SLC20A2: variants seen among roughly 807,000 people sequenced by gnomAD.
SLC20A2 encodes sodium-dependent phosphate transporter 2.
SLC20A2 carries 30 observed loss-of-function variants against 61.0 expected under a neutral mutation model. The observed-to-expected ratio is 0.49, with a 90% CI of 0.37 to 0.67. The LOEUF (loss-of-function observed/expected upper bound fraction) is 0.67. Ranked by LOEUF, SLC20A2 falls within the 30% of genes least tolerant of loss-of-function variation. The probability of loss-of-function intolerance (pLI) is 0.00; values close to 1 mark genes in which losing one functional copy is unlikely to be tolerated. For missense variants in SLC20A2, 626 were observed against 866.4 expected, an observed-to-expected ratio of 0.72 and a Z score of 3.48; for synonymous variants, 351 against 353.3, an observed-to-expected ratio of 0.99 and a Z score of 0.07.
chr8:42,513,745 A>C (rs192146179), intron 1 of SLC20A2, among the ~76,000 whole-genome samples: 2 of 152,274 alleles, frequency 1.3e-5, no homozygotes, highest in African/African-American at 4.8e-5. Context: ...TGTGCCCTGG[A>C]AGACAGGTAT....
chr8:42,508,388 A>C (rs1810843095), intron 1 of SLC20A2, among the ~76,000 whole-genome samples: 1 of 151,846 alleles, frequency 6.6e-6, no homozygotes, highest in Non-Finnish European at 1.5e-5. Context: ...GGAGTCTCGG[A>C]GTCTCGCTCT....
At chr8:42,445,479 A>G (rs1805139695) in intron 5 of SLC20A2, among the ~76,000 whole-genome samples, 1 of 151,886 alleles carries the variant, frequency 6.6e-6, no homozygotes. Flanking sequence ...TAATCCCAGC[A>G]CTTTGGGAGG....
At chr8:42,447,602 C>T (rs1057284905) in intron 5 of SLC20A2, among the ~76,000 whole-genome samples, 4 of 150,242 alleles carry the variant, frequency 2.7e-5, no homozygotes, top group Non-Finnish European at 4.4e-5. Flanking sequence ...GGCATGAACC[C>T]GGAAGGTGGA....
At chr8:42,419,301 G>T (rs1437524520) in intron 10 of SLC20A2, among the ~76,000 whole-genome samples, 2 of 152,138 alleles carry the variant, frequency 1.3e-5, no homozygotes, top group Non-Finnish European at 2.9e-5. Flanking sequence ...CGGGCATGGT[G>T]GCTCACGCCT....
At chr8:42,469,118 A>G (rs1807421955) in intron 2 of SLC20A2, among the ~76,000 whole-genome samples, 1 of 152,186 alleles carries the variant, frequency 6.6e-6, no homozygotes, top group Admixed American at 6.5e-5. Flanking sequence ...ACAGAGGGAA[A>G]GAGGGAGAAG....
At chr8:42,427,229 T>C (rs564071846) in intron 10 of SLC20A2, among the ~76,000 whole-genome samples, 1 of 152,356 alleles carries the variant, frequency 6.6e-6, no homozygotes, top group African/African-American at 2.4e-5. Context: ...TCTGCCTCAG[T>C]TTCCTCATCT....
chr8:42,448,426 C>T (rs1805396811), intron 5 of SLC20A2, among the ~76,000 whole-genome samples: 1 of 152,208 alleles, frequency 6.6e-6, no homozygotes, highest in Non-Finnish European at 1.5e-5. Context: ...ACTTGATGGG[C>T]TCCTTCTAGG....
At chr8:42,432,012 T>C (rs548511291) in intron 8 of SLC20A2, among the ~76,000 whole-genome samples, 13 of 152,388 alleles carry the variant, frequency 8.5e-5, no homozygotes, top group Non-Finnish European at 1.6e-4. Context: ...GCATCTGTTC[T>C]GCAGCCCATG....
chr8:42,443,264 G>GTTTTATATATATAT (rs1187147221), intron 6 of SLC20A2, among the ~76,000 whole-genome samples: 5 of 105,472 alleles, frequency 4.7e-5, no homozygotes, highest in African/African-American at 1.7e-4. Context: ...ATTATTATAG[G>GTTTTATATATATAT]ATATATATAT....
At chr8:42,506,765 G>A (rs1023316075) in intron 1 of SLC20A2, among the ~76,000 whole-genome samples, 6 of 152,188 alleles carry the variant, frequency 3.9e-5, no homozygotes, top group Admixed American at 2.6e-4. Flanking sequence ...GAACACAGGC[G>A]AATCATGTGT....
Position 42,438,063 on chromosome 8 carries a change from C to CAAAAAAAAAAA in SLC20A2, c.935-497_935-487dup, listed in dbSNP as rs1391262305. Reference sequence around the variant, plus strand: ...TATGGTTACCACTAAAAAAAAAAACCAAAAAAAAAAAAAAAAAAAAAAAAA... The same window carrying CAAAAAAAAAAA: ...TATGGTTACCACTAAAAAAAAAAACCAAAAAAAAAAAAAAAAAAAAAAAAAAAAAAAAAAAA... On this transcript the variant is annotated intron_variant, in intron 7 of 10. Transcript: ENST00000520262. Among the ~76,000 whole-genome samples, 54 of 26,834 alleles carry CAAAAAAAAAAA rather than the reference C, an allele frequency of 2.0e-3. 6 individuals carry two copies. Among genetic ancestry groups the CAAAAAAAAAAA allele is most frequent in the Admixed American group, 4.2e-3 (6 of 1,420 alleles). 17.6% of individuals were successfully genotyped at this position (26,834 alleles called of 152,430 possible). A position where few individuals can be genotyped will look rare whatever the true frequency, so the allele number is the denominator to read the frequency against.
chr8:42,421,614 G>T (rs1799681838), intron 10 of SLC20A2, among the ~76,000 whole-genome samples: 1 of 152,148 alleles, frequency 6.6e-6, no homozygotes, highest in Admixed American at 6.6e-5. Context: ...AGACCAGCCT[G>T]ACCAACATGG....
At chr8:42,461,518 C>G (rs1806700261) in intron 4 of SLC20A2, among the ~76,000 whole-genome samples, 1 of 149,536 alleles carries the variant, frequency 6.7e-6, no homozygotes, top group African/African-American at 2.5e-5. Context: ...GTGGTGCAAT[C>G]TTGGCTCACT....
chr8:42,519,269 C>A (rs1366965132), intron 1 of SLC20A2, among the ~76,000 whole-genome samples: 1 of 152,114 alleles, frequency 6.6e-6, no homozygotes, highest in Non-Finnish European at 1.5e-5. Context: ...CATGGTGAAA[C>A]CCCGTCTCTA....
chr8:42,462,934 A>T (rs1806831175), intron 4 of SLC20A2, 71 bp downstream of exon 4: 11 of 838,802 alleles, frequency 1.3e-5, no homozygotes, highest in Non-Finnish European at 1.9e-5. Context: ...AACCCCTCTC[A>T]TTATTAATTT....
At chr8:42,430,319 T>C (rs972321121) in intron 8 of SLC20A2, 70 bp from the exon 9 acceptor site, 261 of 1,287,256 alleles carry the variant, frequency 2.0e-4, no homozygotes, top group Non-Finnish European at 2.6e-4. Context: ...CAGGTGACTT[T>C]GTTTTATTGT....
intron 1 of SLC20A2, among the ~76,000 whole-genome samples, chr8:42,496,973 G>GGA (rs1202574766): frequency 6.6e-6 from 1 of 152,242 alleles, no homozygotes; most frequent in African/African-American, 2.4e-5. Flanking sequence ...CACATGGGGA[G>GGA]GAGAGTCTGG....
intron 1 of SLC20A2, among the ~76,000 whole-genome samples, chr8:42,517,502 T>C (rs577411456): frequency 6.6e-6 from 1 of 152,316 alleles, no homozygotes; most frequent in African/African-American, 2.4e-5. Context: ...TATCAATTTT[T>C]AGCCATATCT....
intron 8 of SLC20A2, among the ~76,000 whole-genome samples, chr8:42,436,097 C>T (rs927496549): frequency 6.6e-6 from 1 of 151,628 alleles, no homozygotes; most frequent in Non-Finnish European, 1.5e-5. Context: ...GCCTGGGGAA[C>T]AGAGCGAGAC....
Sources: allele counts gnomAD v4.1 joint callset (sites outside exome capture counted in the v4.1 genomes callset), GRCh38; gene constraint gnomAD v4.1.1; transcripts MANE v1.5; gene names NCBI Gene and HGNC (gene_info 2026-07-23, HGNC 2026-07-21).